Variants in FGF13 observed in about 807,000 individuals in gnomAD.
FGF13 encodes the protein fibroblast growth factor homologous factor 2.
In FGF13, 2 loss-of-function variants were observed where a neutral mutation model predicts 19.5. The observed-to-expected ratio is 0.10, with a 90% CI of 0.04 to 0.32. The LOEUF (loss-of-function observed/expected upper bound fraction) is 0.32, where lower values mean the gene tolerates loss of function less well. FGF13 is among the 10% of genes least tolerant of loss of function. The probability of loss-of-function intolerance (pLI) is 1.00; values close to 1 mark genes in which losing one functional copy is unlikely to be tolerated. For missense variants in FGF13, 113 were observed against 192.7 expected (o/e 0.59, Z 2.45); for synonymous variants, 72 against 76.9 (o/e 0.94, Z 0.33).
intron 3 of FGF13, among the ~76,000 whole-genome samples, chrX:138,791,181 G>C (rs1022836732): frequency 1.6e-4 from 18 of 112,174 alleles, no homozygotes; most frequent in African/African-American, 5.2e-4. Flanking sequence ...ATCTAAAGCT[G>C]ACTTAAAGTA....
At chrX:139,127,837 T>C (rs143765927) in intron 1 of FGF13, among the ~76,000 whole-genome samples, 3,142 of 111,111 alleles carry the variant, frequency 0.028, 53 homozygotes, top group Middle Eastern at 0.093. Context: ...ATAATCATTA[T>C]CCCACCAACC....
chrX:138,912,922 C>T (rs761872508), intron 1 of FGF13, among the ~76,000 whole-genome samples: 1 of 111,231 alleles, frequency 9.0e-6, no homozygotes, highest in South Asian at 3.8e-4. Flanking sequence ...CTGACCCTTC[C>T]TCTATTTGCA....
intron 1 of FGF13, among the ~76,000 whole-genome samples, chrX:139,077,884 T>G (rs745328309): frequency 1.8e-5 from 2 of 111,343 alleles, no homozygotes; most frequent in Non-Finnish European, 3.8e-5. Flanking sequence ...GAAAAAAAAG[T>G]GATGAGGCTA....
intron 1 of FGF13, among the ~76,000 whole-genome samples, chrX:139,070,986 G>T (rs192418642): frequency 7.5e-4 from 82 of 108,976 alleles, no homozygotes; most frequent in African/African-American, 2.5e-3. Flanking sequence ...GAGGCCTACT[G>T]GGGGGTGGAG....
At chrX:138,962,508 G>A (rs1603074705) in intron 1 of FGF13, among the ~76,000 whole-genome samples, 1 of 112,028 alleles carries the variant, frequency 8.9e-6, no homozygotes, top group African/African-American at 3.2e-5. Flanking sequence ...TATATCCAAA[G>A]GATTATAAAT....
At chrX:138,681,314 C>T (rs1480199523) in intron 3 of FGF13, among the ~76,000 whole-genome samples, 1 of 112,384 alleles carries the variant, frequency 8.9e-6, no homozygotes, top group Non-Finnish European at 1.9e-5. Flanking sequence ...TTTTATGTTA[C>T]AGAGATGGCT....
chrX:138,938,090 A>G (rs1223692140), intron 1 of FGF13, among the ~76,000 whole-genome samples: 1 of 111,672 alleles, frequency 9.0e-6, no homozygotes, highest in Non-Finnish European at 1.9e-5. Context: ...GGGTGACAAC[A>G]TAGGCATATT....
chrX:138,669,958 A>G (rs1425316125), intron 3 of FGF13, among the ~76,000 whole-genome samples: 3 of 111,839 alleles, frequency 2.7e-5, no homozygotes, highest in Non-Finnish European at 5.7e-5. Flanking sequence ...GAAGTTCTAC[A>G]TGCAAACCTG....
At chrX:138,863,918 G>A (rs1432390925) in intron 2 of FGF13, among the ~76,000 whole-genome samples, 1 of 111,830 alleles carries the variant, frequency 8.9e-6, no homozygotes, top group Non-Finnish European at 1.9e-5. Context: ...ACTAGGTCAG[G>A]GTTTCTCAAC....
At chrX:138,678,387 G>T (rs2089695207) in intron 3 of FGF13, among the ~76,000 whole-genome samples, 1 of 111,758 alleles carries the variant, frequency 8.9e-6, no homozygotes, top group African/African-American at 3.3e-5. Context: ...ATAAAATAAA[G>T]AAATAAAGTA....
rs1343953834 is a variant in FGF13, at chrX:138,622,909, A to G, written c.*9941T>C. 8.9e-6 allele frequency: 1 copy of G among 112,092 alleles called. No homozygotes were observed. The highest frequency in any genetic ancestry group is 1.9e-5 in the Non-Finnish European group (1 of 53,174). 9.2% of individuals were successfully genotyped at this position (112,092 alleles called of 1,213,427 possible). A position where few individuals can be genotyped will look rare whatever the true frequency, so the allele number is the denominator to read the frequency against. On this transcript the variant is annotated 3_prime_UTR_variant, in exon 5 of 5. Transcript: ENST00000315930. Reference sequence around the variant, plus strand: ...TCTGTAATATTAATTCTTCCAATCTATGAACAAAGGGATCTGTTCCATTTG... The same window carrying G: ...TCTGTAATATTAATTCTTCCAATCTGTGAACAAAGGGATCTGTTCCATTTG...
At chrX:138,734,107 A>G (rs2090253825) in intron 1 of FGF13, among the ~76,000 whole-genome samples, 1 of 111,799 alleles carries the variant, frequency 8.9e-6, no homozygotes, top group Non-Finnish European at 1.9e-5. Flanking sequence ...AAGCTAGCAC[A>G]GTGCCTGGAC....
intron 1 of FGF13, among the ~76,000 whole-genome samples, chrX:139,185,098 T>C (rs2084272386): frequency 8.9e-6 from 1 of 112,248 alleles, no homozygotes; most frequent in African/African-American, 3.2e-5. Flanking sequence ...CAATGCAGAA[T>C]TCGTTTAGCT....
intron 1 of FGF13, among the ~76,000 whole-genome samples, chrX:139,058,445 C>T (rs1224261261): frequency 9.0e-6 from 1 of 111,724 alleles, no homozygotes; most frequent in Non-Finnish European, 1.9e-5. Flanking sequence ...TCCTTCTGCC[C>T]ATCCATCAAT....
At chrX:139,189,724 G>C (rs1467901852) in intron 1 of FGF13, among the ~76,000 whole-genome samples, 1 of 111,895 alleles carries the variant, frequency 8.9e-6, no homozygotes, top group Admixed American at 9.4e-5. Context: ...TTTCACTTTT[G>C]TGAGATAACG....
intron 1 of FGF13, among the ~76,000 whole-genome samples, chrX:139,170,297 C>T (rs1027515038): frequency 1.9e-4 from 21 of 111,157 alleles, no homozygotes; most frequent in Non-Finnish European, 3.4e-4. Context: ...CTAATGCATC[C>T]TCCTCACCAC....
At chrX:139,075,757 T>C (rs1263482827) in intron 1 of FGF13, among the ~76,000 whole-genome samples, 1 of 112,338 alleles carries the variant, frequency 8.9e-6, no homozygotes, top group East Asian at 2.8e-4. Context: ...TAAACCTGTA[T>C]ATTATCTGTA....
In FGF13 at chrX:138,762,245, T is replaced by A. The variant is rs187986123; in HGVS notation, c.218-53317A>T. Among the ~76,000 whole-genome samples the A allele has an allele frequency of 1.8e-3, 201 of 111,446 alleles. 1 individual carries two copies. The highest frequency in any genetic ancestry group is 2.7e-3 in the Non-Finnish European group (145 of 53,161). On this transcript the variant is annotated intron_variant, in intron 3 of 6. Coordinates refer to the FGF13 transcript ENST00000436198. ...TTATGACTCCTCAATGTCATTTGGC[T>A]TGATACCAACTTCCCAATGGTGCCT...
intron 1 of FGF13, among the ~76,000 whole-genome samples, chrX:139,110,706 G>A (rs780395370): frequency 2.3e-4 from 26 of 112,029 alleles, no homozygotes; most frequent in Middle Eastern, 4.7e-3. Context: ...ATCTTCCCAC[G>A]TCTCCAGCTG....
Sources: allele counts gnomAD v4.1 joint callset (sites outside exome capture counted in the v4.1 genomes callset), GRCh38; gene constraint gnomAD v4.1.1; transcripts MANE v1.5; gene names NCBI Gene and HGNC (gene_info 2026-07-23, HGNC 2026-07-21).